The following PEAK1 variants were observed in gnomAD, a reference collection of about 807,000 sequenced individuals.
PEAK1 encodes the protein inactive tyrosine-protein kinase PEAK1.
In PEAK1, 54 loss-of-function variants were observed where a neutral mutation model predicts 124.7. The ratio of observed to expected loss-of-function variants is 0.43; its 90% CI spans 0.35 to 0.54. The LOEUF (loss-of-function observed/expected upper bound fraction) is 0.54. PEAK1 is among the 20% of genes least tolerant of loss of function. The pLI is 0.01. For missense variants in PEAK1, 2,046 were observed against 2,134.5 expected, an observed-to-expected ratio of 0.96 and a Z score of 0.82; for synonymous variants, 719 against 760.0, an observed-to-expected ratio of 0.95 and a Z score of 0.89.
chr15:77,408,409 GA>G (rs1424828700), intron 1 of PEAK1, among the ~76,000 whole-genome samples: 1 of 151,436 alleles, frequency 6.6e-6, no homozygotes, highest in African/African-American at 2.4e-5. Flanking sequence ...GGAGGGGGGT[GA>G]GGGGTACACA....
intron 6 of PEAK1, among the ~76,000 whole-genome samples, chr15:77,210,027 A>G (rs2058831725): frequency 6.6e-6 from 1 of 152,178 alleles, no homozygotes; most frequent in Non-Finnish European, 1.5e-5. Flanking sequence ...CCAGTTACTT[A>G]TGTCTTTGAA....
chr15:77,226,447 G>C (rs1195126126), intron 6 of PEAK1, among the ~76,000 whole-genome samples: 4 of 151,878 alleles, frequency 2.6e-5, no homozygotes, highest in Admixed American at 2.6e-4. Flanking sequence ...TGATATACCA[G>C]TATATCTGTT....
intron 2 of PEAK1, among the ~76,000 whole-genome samples, chr15:77,314,166 T>C (rs2064720087): frequency 6.6e-6 from 1 of 152,100 alleles, no homozygotes; most frequent in Admixed American, 6.6e-5. Flanking sequence ...GTTATAAGAG[T>C]TAAAGCATAT....
chr15:77,293,488 T>C (rs1282241340), intron 2 of PEAK1, among the ~76,000 whole-genome samples: 1 of 152,190 alleles, frequency 6.6e-6, no homozygotes, highest in Non-Finnish European at 1.5e-5. Context: ...CACATGTTAG[T>C]CCTCCCACTA....
At chr15:77,184,885 C>CAAAG (rs2057462922) in intron 6 of PEAK1, among the ~76,000 whole-genome samples, 2 of 85,546 alleles carry the variant, frequency 2.3e-5, no homozygotes, top group Non-Finnish European at 5.4e-5. Flanking sequence ...CTAAGACAAA[C>CAAAG]AAACAACTCA....
intron 8 of PEAK1, among the ~76,000 whole-genome samples, chr15:77,143,087 T>C (rs975887258): frequency 7.2e-5 from 11 of 152,208 alleles, no homozygotes; most frequent in African/African-American, 2.4e-4. Flanking sequence ...ACTAAGGATG[T>C]AGGGGCTTGG....
chr15:77,295,160 A>C (rs867309981), intron 2 of PEAK1, among the ~76,000 whole-genome samples: 111 of 152,276 alleles, frequency 7.3e-4, no homozygotes, highest in Middle Eastern at 3.4e-3. Context: ...GGGTGACCTT[A>C]TGGCTCATGT....
At chr15:77,224,700 C>T (rs1349538512) in intron 6 of PEAK1, among the ~76,000 whole-genome samples, 1 of 151,956 alleles carries the variant, frequency 6.6e-6, no homozygotes, top group East Asian at 1.9e-4. Context: ...AGCTGGAGTC[C>T]CCAGAATTTA....
intron 6 of PEAK1, among the ~76,000 whole-genome samples, chr15:77,205,267 C>T (rs1207977354): frequency 1.4e-5 from 2 of 142,720 alleles, no homozygotes; most frequent in African/African-American, 5.4e-5. Flanking sequence ...AGATCAAATG[C>T]CTTTTTTTAA....
chr15:77,401,843 T>C (rs956074965), intron 1 of PEAK1: 10 of 984,528 alleles, frequency 1.0e-5, no homozygotes, highest in Non-Finnish European at 1.2e-5. Flanking sequence ...TAGGTACATC[T>C]TGCTTTATTA....
intron 6 of PEAK1, among the ~76,000 whole-genome samples, chr15:77,212,953 A>T (rs993113561): frequency 1.3e-5 from 2 of 152,226 alleles, no homozygotes; most frequent in South Asian, 4.1e-4. Context: ...GCAAAAGTGA[A>T]TTTTTCATTT....
intron 8 of PEAK1, chr15:77,155,208 T>A (rs1373214950): frequency 1.3e-5 from 2 of 152,240 alleles, no homozygotes; most frequent in Admixed American, 1.3e-4. Flanking sequence ...TTCTCTAAAC[T>A]TCCCTTCTCG....
chr15:77,313,184 A>T (rs1240990241), intron 2 of PEAK1, among the ~76,000 whole-genome samples: 1 of 152,170 alleles, frequency 6.6e-6, no homozygotes, highest in Non-Finnish European at 1.5e-5. Flanking sequence ...ATACACACAC[A>T]AAATATGGTT....
chr15:77,334,682 A>AT (rs969036658), intron 2 of PEAK1: 18 of 984,942 alleles, frequency 1.8e-5, no homozygotes, highest in Middle Eastern at 5.2e-4. Flanking sequence ...ATTTCCATCT[A>AT]TTTTTTTAAC....
intron 1 of PEAK1, chr15:77,381,448 T>G (rs971901974): frequency 2.1e-6 from 2 of 958,398 alleles, no homozygotes; most frequent in African/African-American, 3.5e-5. Flanking sequence ...ATTTTTTCTT[T>G]AAAAGAATAA....
At chr15:77,176,666 A>G (rs1456655343) in intron 7 of PEAK1, among the ~76,000 whole-genome samples, 2 of 152,224 alleles carry the variant, frequency 1.3e-5, no homozygotes, top group East Asian at 3.8e-4. Context: ...TGACTGGCCT[A>G]TGTATAACCT....
chr15:77,383,870 T>C (rs2141844710), intron 1 of PEAK1, among the ~76,000 whole-genome samples: 1 of 152,346 alleles, frequency 6.6e-6, no homozygotes, highest in East Asian at 1.9e-4. Context: ...CTAAGCTACC[T>C]GGTGCACTTT....
At chr15:77,152,414 T>C (rs1259881375) in intron 8 of PEAK1, among the ~76,000 whole-genome samples, 1 of 152,064 alleles carries the variant, frequency 6.6e-6, no homozygotes, top group Admixed American at 6.5e-5. Context: ...TTTCTAGATA[T>C]ACAATCATGT....
chr15:77,214,516 C>T (rs2059056196), intron 6 of PEAK1, among the ~76,000 whole-genome samples: 3 of 149,936 alleles, frequency 2.0e-5, no homozygotes, highest in African/African-American at 4.9e-5. Flanking sequence ...CCCAGCTACT[C>T]GGGAGGCTGA....
Sources: gnomAD v4.1 joint callset for allele counts (sites outside exome capture counted in the v4.1 genomes callset) on GRCh38, gnomAD v4.1.1 for gene constraint, MANE v1.5 for transcripts, NCBI Gene and HGNC (gene_info 2026-07-23, HGNC 2026-07-21) for gene names.